Variants in ALMS1 observed in about 807,000 individuals in gnomAD.
ALMS1 encodes the protein ALMS1 centrosome and basal body associated protein.
A neutral mutation model predicts 352.2 loss-of-function variants in ALMS1; 271 were observed. That is an observed-to-expected ratio of 0.77 (90% CI 0.70 to 0.85). The LOEUF is 0.85. Among genes scored for constraint, ALMS1 ranks in the 40% least tolerant of loss-of-function variants. The probability of loss-of-function intolerance (pLI) is 0.00; values close to 1 mark genes in which losing one functional copy is unlikely to be tolerated. For synonymous variants in ALMS1, 1,865 were observed against 1,761.2 expected (o/e 1.06, Z -1.48); for missense variants, 5,445 against 4,870.7 (o/e 1.12, Z -3.51).
At chr2:73,447,850 A>G in intron 7 of ALMS1, 110 bp from the exon 8 acceptor site, 1 of 1,348,806 alleles carries the variant, frequency 7.4e-7, no homozygotes, top group Non-Finnish European at 9.7e-7. Flanking sequence ...CTGTTTCCTT[A>G]GGATTCATTT....
chr2:73,391,039 G>A (rs1464122465), intron 1 of ALMS1, among the ~76,000 whole-genome samples: 2 of 151,938 alleles, frequency 1.3e-5, no homozygotes, highest in African/African-American at 2.4e-5. Context: ...CCAAAGTGCT[G>A]GCATTACAGA....
chr2:73,589,688 G>A (rs1016437886), intron 16 of ALMS1, among the ~76,000 whole-genome samples: 2 of 152,166 alleles, frequency 1.3e-5, no homozygotes, highest in African/African-American at 2.4e-5. Flanking sequence ...CTACATTGCT[G>A]TAAGTATATC....
rs143478466 is a variant in ALMS1 at position 73,448,244 on chromosome 2, A to G, written c.1717A>G (p.Ser573Gly). 32 of 1,614,032 alleles carry G rather than the reference A, an allele frequency of 2.0e-5. No individual in the cohort carries two copies. In the East Asian group the frequency reaches 7.1e-4, roughly 36 times the overall value. The change falls in exon 8 of 23, where the codon AGT becomes GGT. Residue 573 changes from serine (S) to glycine (G), a missense_variant. Transcript: ENST00000613296. Reference sequence around the variant, plus strand: ...GACTGCAACACCAACAGTACTCTCTAGTTCCCACTCACATAGGGGGAAGCC... The same window carrying G: ...GACTGCAACACCAACAGTACTCTCTGGTTCCCACTCACATAGGGGGAAGCC... ...QKTATPTVLS[S>G]SHSHRGKPSI... is the part of the protein sequence containing the mutation.
chr2:73,553,597 A>C (rs922040684), intron 13 of ALMS1, among the ~76,000 whole-genome samples: 4 of 152,220 alleles, frequency 2.6e-5, no homozygotes, highest in African/African-American at 7.2e-5. Context: ...TTGTAATAGA[A>C]AATAAATGTA....
chr2:73,395,040 G>GTATATATA (rs1553397377), intron 1 of ALMS1, among the ~76,000 whole-genome samples: 39 of 88,796 alleles, frequency 4.4e-4, no homozygotes, highest in African/African-American at 2.4e-3. Context: ...ATATATATGT[G>GTATATATA]TGTGTATATA....
In ALMS1 at chr2:73,448,005, T is replaced by C; in HGVS notation, c.1478T>C (p.Leu493Ser). The C allele has an allele frequency of 6.2e-7, 1 of 1,613,700 alleles. No homozygotes were observed. ...GGIAKVTQSN[L>S]KSGITTTPVD... ...ATAGCTAAAGTTACTCAATCCAACT[T>C]GAAGTCAGGCATCACTACCACTCCT... Residue 493 changes from leucine to serine, a missense_variant, in exon 8 of 23, where the codon TTG (leucine) becomes TCG (serine). By Grantham distance (145) the Leu-to-Ser change is moderately radical. Coordinates refer to ENST00000613296, the MANE Select transcript of ALMS1 (RefSeq NM_001378454.1).
chr2:73,540,207 C>A (rs946313625), intron 12 of ALMS1, among the ~76,000 whole-genome samples: 1 of 152,144 alleles, frequency 6.6e-6, no homozygotes, highest in Non-Finnish European at 1.5e-5. Context: ...AGAGTGGGGG[C>A]CAGTATTCAA....
chr2:73,439,595 C>G (rs766312135), intron 7 of ALMS1, among the ~76,000 whole-genome samples: 2 of 152,162 alleles, frequency 1.3e-5, no homozygotes, highest in African/African-American at 4.8e-5. Context: ...GGCTGGAGTA[C>G]GGTGGTGTGA....
At chr2:73,528,572 G>T (rs1285224165) in intron 11 of ALMS1, among the ~76,000 whole-genome samples, 1 of 151,898 alleles carries the variant, frequency 6.6e-6, no homozygotes, top group Non-Finnish European at 1.5e-5. Context: ...ATTTGCGTGG[G>T]ATATCTTTTT....
At chr2:73,518,963 A>G (rs1408958797) in intron 10 of ALMS1, among the ~76,000 whole-genome samples, 2 of 152,058 alleles carry the variant, frequency 1.3e-5, no homozygotes, top group African/African-American at 4.8e-5. Context: ...TTTCGTTGCA[A>G]TTGCTTTTGG....
chr2:73,444,900 ATTAT>A (rs772510185), intron 7 of ALMS1, among the ~76,000 whole-genome samples: 6 of 152,280 alleles, frequency 3.9e-5, no homozygotes, highest in Non-Finnish European at 5.9e-5. Flanking sequence ...CACAATTATA[ATTAT>A]TTAGTTATCA....
intron 9 of ALMS1, among the ~76,000 whole-genome samples, chr2:73,481,115 CA>C (rs1672693621): frequency 6.6e-6 from 1 of 152,012 alleles, no homozygotes; most frequent in East Asian, 1.9e-4. Context: ...CTTTTGTTGC[CA>C]TTGCTTTTGG....
At chr2:73,560,119 AAATC>A (rs1178748393) in intron 15 of ALMS1, among the ~76,000 whole-genome samples, 1 of 152,226 alleles carries the variant, frequency 6.6e-6, no homozygotes, top group Non-Finnish European at 1.5e-5. Context: ...AGATATTTGC[AAATC>A]ATGGATCTGA....
chr2:73,562,902 T>C (rs1191198946), intron 15 of ALMS1, among the ~76,000 whole-genome samples: 1 of 150,930 alleles, frequency 6.6e-6, no homozygotes, highest in Non-Finnish European at 1.5e-5. Context: ...AAAAAGAAAA[T>C]TATAAAATTT....
intron 9 of ALMS1, among the ~76,000 whole-genome samples, chr2:73,460,456 G>C (rs1264138789): frequency 6.6e-6 from 1 of 152,000 alleles, no homozygotes; most frequent in East Asian, 1.9e-4. Context: ...AAAAAATTCG[G>C]GTGGAGCCAA....
rs1487561126 is a variant in ALMS1 at position 73,471,319 on chromosome 2, T to C, written c.7674+16024T>C. Among the ~76,000 whole-genome samples, 14 of 150,894 alleles carry C rather than the reference T, an allele frequency of 9.3e-5. 1 individual carries two copies. Among genetic ancestry groups the C allele is most frequent in the Non-Finnish European group, 3.0e-5 (2 of 67,536 alleles). On this transcript the variant is annotated intron_variant, in intron 9 of 22. Transcript: ENST00000613296. ...CAACTTATAGCTACAGCGAAAGCAA[T>C]TTAAAAAAATAGACAAACAGGACTG...
chr2:73,531,343 G>C (rs12989212), intron 11 of ALMS1, among the ~76,000 whole-genome samples: 1 of 152,156 alleles, frequency 6.6e-6, no homozygotes, highest in South Asian at 2.1e-4. Flanking sequence ...TTCAAGTTCA[G>C]ATCTCCAGGG....
Position 73,491,345 on chromosome 2 carries a change from A to G in ALMS1, c.9386A>G (p.Gln3129Arg), listed in dbSNP as rs372015288. Residue 3129 changes from glutamine (Q) to arginine (R), a missense_variant, in exon 10 of 23, where the codon CAG becomes CGG. Transcript: ENST00000613296. ...PKSSLDFQVV[Q>R]PSLPDSNTIT... is the part of the protein sequence containing the mutation. ...TCTTCACTGGATTTCCAAGTCGTAC[A>G]GCCTTCTCTTCCAGACAGTAACACT... The G allele has an allele frequency of 6.2e-7, 1 of 1,614,192 alleles. No homozygotes were observed. Among genetic ancestry groups the G allele is most frequent in the Admixed American group, 1.7e-5 (1 of 60,030 alleles).
rs35902379 is a variant in ALMS1 at position 73,608,550 on chromosome 2, G to T, written c.12438G>T (p.Arg4146=). 562 of 1,613,902 alleles carry T rather than the reference G, an allele frequency of 3.5e-4. No homozygotes were observed. The highest frequency in any genetic ancestry group is 2.2e-4 in the Non-Finnish European group (256 of 1,179,950). ...GAAAATCAGAATATAAGTCATACCG[G>T]CTGCGAGCCCAGCTATATAAAAAGG... ...EKRKSEYKSY[R]LRAQLYKKRV... The change falls in exon 22 of 23, where the codon CGG becomes CGT. Residue 4146 remains arginine (R), a synonymous_variant. Coordinates refer to ENST00000613296, the MANE Select transcript of ALMS1 (RefSeq NM_001378454.1).
Sources: gnomAD v4.1 joint callset for allele counts (sites outside exome capture counted in the v4.1 genomes callset) on GRCh38, gnomAD v4.1.1 for gene constraint, MANE v1.5 for transcripts, NCBI Gene and HGNC (gene_info 2026-07-23, HGNC 2026-07-21) for gene names.